PPFIBP1: variants seen among roughly 807,000 people sequenced by gnomAD.
PPFIBP1 encodes PPFIB scaffold protein 1.
PPFIBP1 carries 112 observed loss-of-function variants against 137.8 expected under a neutral mutation model. That is an observed-to-expected ratio of 0.81 (90% CI 0.70 to 0.95). The LOEUF is 0.95. Among genes scored for constraint, PPFIBP1 ranks in the 40% least tolerant of loss-of-function variants. PPFIBP1 has a pLI of 0.00. For missense variants in PPFIBP1, 1,083 were observed against 1,196.6 expected (o/e 0.91, Z 1.40); for synonymous variants, 378 against 417.3 (o/e 0.91, Z 1.15).
chr12:27,658,920 G>GT, intron 10 of PPFIBP1, 72 bp downstream of exon 10: 1 of 1,434,516 alleles, frequency 7.0e-7, no homozygotes, highest in East Asian at 2.3e-5. Flanking sequence ...CTTTGCATGT[G>GT]TTTTAAAACA....
intron 2 of PPFIBP1, among the ~76,000 whole-genome samples, chr12:27,582,848 C>A (rs758444770): frequency 6.6e-6 from 1 of 152,224 alleles, no homozygotes; most frequent in African/African-American, 2.4e-5. Flanking sequence ...TAATCCCTTA[C>A]CAGTGGTGTA....
At chr12:27,659,831 A>G (rs73296169) in intron 10 of PPFIBP1, among the ~76,000 whole-genome samples, 10,231 of 151,998 alleles carry the variant, frequency 0.067, 421 homozygotes, top group East Asian at 0.11. Flanking sequence ...TGTAATCCCA[A>G]CTCCTCAAGA....
chr12:27,531,252 T>C (rs2135796790), intron 1 of PPFIBP1, among the ~76,000 whole-genome samples: 1 of 152,300 alleles, frequency 6.6e-6, no homozygotes, highest in African/African-American at 2.4e-5. Flanking sequence ...AGCTCTGATA[T>C]ATGTGCCATA....
intron 13 of PPFIBP1, among the ~76,000 whole-genome samples, chr12:27,670,475 A>G (rs1022353738): frequency 5.3e-5 from 8 of 152,198 alleles, no homozygotes; most frequent in Non-Finnish European, 1.0e-4. Flanking sequence ...AGTAGTAGAA[A>G]TTAAAGTAAA....
intron 22 of PPFIBP1, 45 bp from the exon 23 acceptor site, chr12:27,682,342 C>T: frequency 7.3e-7 from 1 of 1,376,102 alleles, no homozygotes; most frequent in Non-Finnish European, 1.0e-6. Flanking sequence ...CAGTGGCACC[C>T]AGCCTATACA....
In PPFIBP1 at chr12:27,543,304, G is replaced by A. The variant is rs1414235717; in HGVS notation, c.-124+18939G>A. Among the ~76,000 whole-genome samples, 4 of 152,042 alleles carry A rather than the reference G, an allele frequency of 2.6e-5. No individual in the cohort carries two copies. In the East Asian group the frequency reaches 7.7e-4, roughly 29 times the overall value. On this transcript the variant is annotated intron_variant, in intron 1 of 29. Coordinates refer to ENST00000228425, the MANE Select transcript of PPFIBP1 (RefSeq NM_003622.4). ...AATCCAATGCAGTCTTTTTTCTATG[G>A]AGTTAAAAATACCCTTTGGGAATCC...
intron 1 of PPFIBP1, among the ~76,000 whole-genome samples, chr12:27,560,853 T>G (rs1420424064): frequency 2.0e-5 from 3 of 152,218 alleles, no homozygotes; most frequent in African/African-American, 7.2e-5. Context: ...TAACTTAATA[T>G]CCTATGTACT....
At chr12:27,541,691 C>G (rs1431522323) in intron 1 of PPFIBP1, among the ~76,000 whole-genome samples, 1 of 152,216 alleles carries the variant, frequency 6.6e-6, no homozygotes, top group African/African-American at 2.4e-5. Context: ...TAGCACTTAC[C>G]TGGCACTTAG....
chr12:27,651,326 G>A (rs2058862461), intron 7 of PPFIBP1, among the ~76,000 whole-genome samples: 1 of 151,010 alleles, frequency 6.6e-6, no homozygotes, highest in South Asian at 2.1e-4. Flanking sequence ...AGGCTAGTAT[G>A]GAACTCCTGG....
chr12:27,679,085 T>C (rs1366268193), intron 19 of PPFIBP1, among the ~76,000 whole-genome samples: 2 of 152,008 alleles, frequency 1.3e-5, no homozygotes, highest in African/African-American at 2.4e-5. Context: ...GCAGGGGTGC[T>C]ACAGCAAAGA....
intron 2 of PPFIBP1, among the ~76,000 whole-genome samples, chr12:27,608,203 CT>C (rs2054729860): frequency 6.6e-6 from 1 of 152,156 alleles, no homozygotes; most frequent in East Asian, 1.9e-4. Context: ...AAATTTCAGT[CT>C]TTCACAGCAT....
chr12:27,599,004 A>AAC (rs1467922592), intron 2 of PPFIBP1, among the ~76,000 whole-genome samples: 4 of 152,236 alleles, frequency 2.6e-5, no homozygotes, highest in Admixed American at 2.0e-4. Flanking sequence ...TGAAGCCAAT[A>AAC]ATAACTAAGA....
At chr12:27,607,787 G>A (rs2054680116) in intron 2 of PPFIBP1, among the ~76,000 whole-genome samples, 1 of 152,128 alleles carries the variant, frequency 6.6e-6, no homozygotes, top group South Asian at 2.1e-4. Flanking sequence ...CCACTCATAG[G>A]CTATGTTCCT....
intron 21 of PPFIBP1, among the ~76,000 whole-genome samples, chr12:27,680,693 T>G (rs1354339530): frequency 6.6e-6 from 1 of 152,220 alleles, no homozygotes; most frequent in Non-Finnish European, 1.5e-5. Context: ...TCCATTAAGA[T>G]TCTAAGAACT....
chr12:27,598,004 C>T (rs1278035299), intron 2 of PPFIBP1, among the ~76,000 whole-genome samples: 1 of 152,008 alleles, frequency 6.6e-6, no homozygotes, highest in African/African-American at 2.4e-5. Context: ...GGGGTTTCAC[C>T]ATGTCAGCCA....
chr12:27,600,614 C>G (rs1411539517), intron 2 of PPFIBP1, among the ~76,000 whole-genome samples: 2 of 151,454 alleles, frequency 1.3e-5, no homozygotes, highest in Non-Finnish European at 2.9e-5. Context: ...TCCTGAACAC[C>G]TTCTTTCCCT....
At chr12:27,633,273 A>G in intron 2 of PPFIBP1, 89 bp from the exon 3 acceptor site, 1 of 866,282 alleles carries the variant, frequency 1.2e-6, no homozygotes. Context: ...TTGACTACAC[A>G]GCAGAGTTAT....
intron 5 of PPFIBP1, among the ~76,000 whole-genome samples, chr12:27,647,509 C>A (rs561555557): frequency 6.6e-6 from 1 of 152,194 alleles, no homozygotes; most frequent in African/African-American, 2.4e-5. Context: ...CTAATCTACA[C>A]GAATTTTCTC....
At chr12:27,616,256 G>C (rs908796090) in intron 2 of PPFIBP1, among the ~76,000 whole-genome samples, 8 of 149,504 alleles carry the variant, frequency 5.4e-5, no homozygotes, top group Non-Finnish European at 8.9e-5. Flanking sequence ...CCAGAACTCA[G>C]TTTTATCAGT....
Sources: gnomAD v4.1 joint callset for allele counts (sites outside exome capture counted in the v4.1 genomes callset) on GRCh38, gnomAD v4.1.1 for gene constraint, MANE v1.5 for transcripts, NCBI Gene and HGNC (gene_info 2026-07-23, HGNC 2026-07-21) for gene names.